The following DPP10 variants were observed in gnomAD, a reference collection of about 807,000 sequenced individuals.
DPP10 encodes the protein dipeptidyl peptidase like 10.
In DPP10, 33 loss-of-function variants were observed where a neutral mutation model predicts 120.9. The ratio of observed to expected loss-of-function variants is 0.27; its 90% confidence interval spans 0.21 to 0.37. The LOEUF is 0.37. Ranked by LOEUF, DPP10 falls within the 10% of genes least tolerant of loss-of-function variation. DPP10 has a pLI of 1.00. For missense variants in DPP10, 816 were observed against 942.8 expected, an observed-to-expected ratio of 0.87 and a Z score of 1.76; for synonymous variants, 337 against 326.1, an observed-to-expected ratio of 1.03 and a Z score of -0.36.
chr2:114,788,309 T>C (rs1487760415), intron 1 of DPP10, among the ~76,000 whole-genome samples: 1 of 152,216 alleles, frequency 6.6e-6, no homozygotes, highest in Non-Finnish European at 1.5e-5. Flanking sequence ...ACTCATCCTA[T>C]GTTTATCTAA....
intron 1 of DPP10, among the ~76,000 whole-genome samples, chr2:114,619,741 A>G (rs1408538975): frequency 6.6e-6 from 1 of 151,946 alleles, no homozygotes; most frequent in African/African-American, 2.4e-5. Flanking sequence ...GATTCTCTTA[A>G]ACTCTATATG....
At chr2:115,495,654 T>C (rs549558038) in intron 3 of DPP10, among the ~76,000 whole-genome samples, 1 of 152,254 alleles carries the variant, frequency 6.6e-6, no homozygotes, top group Admixed American at 6.5e-5. Flanking sequence ...TTTCTTTTTG[T>C]CAGCCAAATT....
intron 1 of DPP10, among the ~76,000 whole-genome samples, chr2:114,548,321 T>C (rs1687592408): frequency 1.3e-5 from 2 of 152,150 alleles, no homozygotes; most frequent in Non-Finnish European, 2.9e-5. Context: ...GGTGATGTCA[T>C]GTTAAGGTAC....
intron 7 of DPP10, among the ~76,000 whole-genome samples, chr2:115,717,095 G>C (rs2149595218): frequency 6.6e-6 from 1 of 152,324 alleles, no homozygotes; most frequent in East Asian, 1.9e-4. Context: ...GGATGAATGA[G>C]AGGGAGGGAC....
chr2:114,834,530 G>A (rs896848694), intron 1 of DPP10, among the ~76,000 whole-genome samples: 19 of 131,288 alleles, frequency 1.4e-4, no homozygotes, highest in Middle Eastern at 6.3e-3. Flanking sequence ...ACATATCTAC[G>A]CACCTATGTA....
intron 1 of DPP10, among the ~76,000 whole-genome samples, chr2:114,533,057 A>G (rs1197282240): frequency 6.6e-6 from 1 of 152,222 alleles, no homozygotes; most frequent in Non-Finnish European, 1.5e-5. Flanking sequence ...AGACAAAGTC[A>G]GACCAGCTAC....
intron 1 of DPP10, among the ~76,000 whole-genome samples, chr2:115,207,388 G>C (rs1656817408): frequency 1.5e-5 from 2 of 129,040 alleles, no homozygotes; most frequent in Non-Finnish European, 3.1e-5. Context: ...GTAATGACTT[G>C]TGGGTTTTTA....
chr2:114,850,065 T>C lies in DPP10; in HGVS notation c.60+407227T>C, dbSNP rs192982395. 4.8e-5 allele frequency among the ~76,000 whole-genome samples: 7 copies of C among 145,182 alleles called. No individual in the cohort carries two copies. The East Asian group carries it at 1.4e-3, about 29-fold the overall frequency. On this transcript the variant is annotated intron_variant, in intron 1 of 25. Transcript: ENST00000410059. ...TCCCTTCTCTTTCTTTTTTTTTTTC[T>C]TTAAGAGAAGCAGTTTCTCTATGTT...
At chr2:114,579,720 T>A (rs1046572278) in intron 1 of DPP10, among the ~76,000 whole-genome samples, 3 of 152,188 alleles carry the variant, frequency 2.0e-5, no homozygotes, top group African/African-American at 7.2e-5. Flanking sequence ...GGTTTCTTTT[T>A]ATAGCATCAA....
Position 115,027,723 on chromosome 2 carries a change from C to T in DPP10, c.61-281516C>T, listed in dbSNP as rs372494149. On this transcript the variant is annotated intron_variant, in intron 1 of 25. Transcript: ENST00000410059. The stretch of plus-strand genomic sequence containing the variant: ...TAGAATTGGTTCTGTGTTTAATGTT[C>T]GGTAGAACATCAGGTCCTAGGCTCT... 1.6e-3 allele frequency among the ~76,000 whole-genome samples: 250 copies of T among 152,032 alleles called. 11 individuals are homozygous for T. The South Asian group carries it at 0.051, about 31-fold the overall frequency.
intron 1 of DPP10, among the ~76,000 whole-genome samples, chr2:114,878,129 A>G (rs765624727): frequency 2.6e-5 from 4 of 152,130 alleles, no homozygotes; most frequent in Non-Finnish European, 4.4e-5. Flanking sequence ...CAGAATAGGA[A>G]ACATCAAGAT....
chr2:114,485,782 C>A (rs1369549481), intron 1 of DPP10, among the ~76,000 whole-genome samples: 1 of 152,062 alleles, frequency 6.6e-6, no homozygotes, highest in Non-Finnish European at 1.5e-5. Flanking sequence ...ACTAAACTCT[C>A]AATCCTACGT....
At chr2:115,479,090 A>G (rs746324289) in intron 3 of DPP10, among the ~76,000 whole-genome samples, 16 of 152,168 alleles carry the variant, frequency 1.1e-4, no homozygotes, top group Non-Finnish European at 2.1e-4. Flanking sequence ...GGTCTTAAAG[A>G]GATTTTTATG....
At chr2:115,550,566 G>A (rs1222558736) in intron 5 of DPP10, among the ~76,000 whole-genome samples, 1 of 152,072 alleles carries the variant, frequency 6.6e-6, no homozygotes, top group Admixed American at 6.6e-5. Context: ...TGCAGAAACT[G>A]ACCCTCGTTC....
intron 1 of DPP10, among the ~76,000 whole-genome samples, chr2:115,088,942 C>G (rs2420574): frequency 0.26 from 39,049 of 151,922 alleles, 5,406 homozygotes; most frequent in East Asian, 0.31. Flanking sequence ...CTGGCTACAG[C>G]TGACTGACCA....
chr2:115,478,920 G>T (rs577024296), intron 3 of DPP10, among the ~76,000 whole-genome samples: 1 of 152,136 alleles, frequency 6.6e-6, no homozygotes, highest in African/African-American at 2.4e-5. Flanking sequence ...TGGTGATGAC[G>T]TGGAGAAACT....
chr2:115,201,733 G>A (rs1225303948), intron 1 of DPP10, among the ~76,000 whole-genome samples: 1 of 152,110 alleles, frequency 6.6e-6, no homozygotes, highest in African/African-American at 2.4e-5. Context: ...CTCCTGCTCT[G>A]TATGTGCTCC....
intron 5 of DPP10, among the ~76,000 whole-genome samples, chr2:115,537,795 G>C (rs1042657686): frequency 5.3e-5 from 8 of 151,898 alleles, no homozygotes; most frequent in Admixed American, 4.6e-4. Context: ...TTTCCCACTC[G>C]AAGGCTTAGG....
intron 5 of DPP10, among the ~76,000 whole-genome samples, chr2:115,560,431 T>TATATAC (rs1553448841): frequency 5.8e-4 from 43 of 74,664 alleles, no homozygotes; most frequent in African/African-American, 2.2e-3. Flanking sequence ...TATATATATA[T>TATATAC]ATATATATAT....
Sources: gnomAD v4.1 joint callset for allele counts (sites outside exome capture counted in the v4.1 genomes callset) on GRCh38, gnomAD v4.1.1 for gene constraint, MANE v1.5 for transcripts, NCBI Gene and HGNC (gene_info 2026-07-23, HGNC 2026-07-21) for gene names.